CABIN1: variants seen among roughly 807,000 people sequenced by gnomAD.
CABIN1 encodes the protein calcineurin-binding protein cabin-1.
Under a neutral mutation model 227.7 loss-of-function variants are expected in CABIN1, and 133 were observed. That is an observed-to-expected ratio of 0.58 (90% CI 0.51 to 0.67). The LOEUF is 0.67. Ranked by LOEUF, CABIN1 falls within the 30% of genes least tolerant of loss-of-function variation. CABIN1 has a pLI of 0.00. For synonymous variants in CABIN1, 1,086 were observed against 1,155.1 expected (o/e 0.94, Z 1.21); for missense variants, 2,408 against 2,852.5 (o/e 0.84, Z 3.55).
intron 1 of CABIN1, among the ~76,000 whole-genome samples, chr22:24,020,875 G>A (rs1037431298): frequency 6.6e-6 from 1 of 152,082 alleles, no homozygotes; most frequent in Non-Finnish European, 1.5e-5. Context: ...GTGAGCACTG[G>A]AGAAGAATAT....
intron 34 of CABIN1, chr22:24,173,011 CAG>C (rs1453177092): frequency 6.6e-6 from 1 of 152,240 alleles, no homozygotes; most frequent in East Asian, 1.9e-4. Context: ...CCAGCGTGGT[CAG>C]AGGGTTCCCT....
chr22:24,139,351 G>A (rs1057423086), intron 29 of CABIN1, among the ~76,000 whole-genome samples: 1 of 152,136 alleles, frequency 6.6e-6, no homozygotes, highest in Admixed American at 6.6e-5. Flanking sequence ...GAGGTGGGTG[G>A]ACCACCTGAG....
intron 15 of CABIN1, among the ~76,000 whole-genome samples, chr22:24,065,104 C>A (rs1234282578): frequency 7.5e-4 from 114 of 151,234 alleles, no homozygotes; most frequent in African/African-American, 2.7e-3. Context: ...CGGGCAGAGG[C>A]GCCCCTCACC....
chr22:24,029,539 A>G (rs2036341119), intron 1 of CABIN1, among the ~76,000 whole-genome samples: 2 of 152,074 alleles, frequency 1.3e-5, no homozygotes, highest in Non-Finnish European at 2.9e-5. Context: ...CCTGGGCAAC[A>G]GAGTGAGACC....
At chr22:24,119,721 G>A (rs972166545) in intron 28 of CABIN1, 23 bp downstream of exon 28, 2 of 1,607,962 alleles carry the variant, frequency 1.2e-6, no homozygotes, top group Admixed American at 3.3e-5. Flanking sequence ...CGGGCCAAGG[G>A]GGCTTGGATC....
intron 17 of CABIN1, among the ~76,000 whole-genome samples, chr22:24,071,916 C>T (rs1451674661): frequency 6.6e-6 from 1 of 152,160 alleles, no homozygotes; most frequent in East Asian, 1.9e-4. Context: ...ACACCACAGC[C>T]ACTCACTTGG....
At chr22:24,035,881 C>A (rs2036840150) in intron 2 of CABIN1, among the ~76,000 whole-genome samples, 1 of 133,162 alleles carries the variant, frequency 7.5e-6, no homozygotes, top group Admixed American at 7.5e-5. Context: ...GCATAACCCT[C>A]CCCCCTCGGC....
At chr22:24,100,146 T>TAA (rs111515564) in intron 26 of CABIN1, among the ~76,000 whole-genome samples, 1 of 152,064 alleles carries the variant, frequency 6.6e-6, no homozygotes, top group African/African-American at 2.4e-5. Flanking sequence ...AACATTTGTT[T>TAA]AAAAAAAATG....
At position 24,013,721 on chromosome 22, in the gene CABIN1, C is replaced by A. The variant is rs182772681; in HGVS notation, c.-75+2354C>A. On this transcript the variant is annotated intron_variant, in intron 1 of 36. Transcript: ENST00000263119. ...TTAAGGTTGTGTTTTCATTCCAGGA[C>A]CCTATCCAAGATCCCATGTTGCATT... 1.6e-3 allele frequency among the ~76,000 whole-genome samples: 239 copies of A among 152,274 alleles called. 1 individual carries two copies. Among genetic ancestry groups the A allele is most frequent in the African/African-American group, 5.6e-3 (232 of 41,552 alleles).
rs760304072 is a variant in CABIN1 at position 24,164,478 on chromosome 22, C to T, written c.4825C>T (p.Leu1609=). 1.2e-6 allele frequency: 2 copies of T among 1,606,340 alleles called. No individual in the cohort carries two copies. Among genetic ancestry groups the T allele is most frequent in the Non-Finnish European group, 1.7e-6 (2 of 1,179,982 alleles). ...AWHMNRSIVL[L]LKVLAQLRDH... ...GCACATGAACCGCTCCATCGTGCTG[C>T]TGCTCAAGGTGCTGGCCCAGCTGCG... The change falls in exon 30 of 37, where the codon CTG becomes TTG. Residue 1609 remains leucine (L), a synonymous_variant. Transcript: ENST00000263119.
chr22:24,050,725 C>T, intron 7 of CABIN1, 100 bp from the exon 8 acceptor site: 1 of 1,417,058 alleles, frequency 7.1e-7, no homozygotes, highest in Non-Finnish European at 9.9e-7. Flanking sequence ...GAAAAATACA[C>T]ATTAAAAGGT....
intron 33 of CABIN1, 147 bp downstream of exon 33, chr22:24,168,668 A>G: frequency 1.3e-6 from 1 of 748,112 alleles, no homozygotes; most frequent in Non-Finnish European, 2.4e-6. Flanking sequence ...GGGGCAGCTG[A>G]GCCTCCAGCA....
At position 24,168,322 on chromosome 22, in the gene CABIN1, G is replaced by T. The variant is rs994443260; in HGVS notation, c.5683-125G>T. 5 of 885,054 alleles carry T rather than the reference G, an allele frequency of 5.6e-6. No individual in the cohort carries two copies. The East Asian group carries it at 7.9e-5, about 14-fold the overall frequency. The allele number at this position is 885,054 out of a possible 1,614,324, so 54.8% of individuals were successfully genotyped here. On this transcript the variant is annotated intron_variant, in intron 32 of 36. Transcript: ENST00000263119. ...CTATTCAGCAGAGTCTGGGGTGTTG[G>T]GGGGCACCCGAGCCACAGGGCATGC...
rs759231155 is a variant in CABIN1, at chr22:24,091,622, C to T, written c.3565C>T (p.His1189Tyr). Residue 1189 changes from histidine (H) to tyrosine (Y), a missense_variant, in exon 24 of 37, where the codon CAC becomes TAC. Physicochemically the swap from His to Tyr is moderately conservative, Grantham distance 83 (BLOSUM62 2). Transcript: ENST00000263119. ...RRDSMLETAK[H>Y]CFTSAARCEG... ...CGACAGCATGCTAGAGACAGCCAAG[C>T]ACTGTTTCACATCAGCAGCCCGCTG... is the stretch of plus-strand genomic sequence containing the variant. 1.9e-6 allele frequency: 3 copies of T among 1,614,220 alleles called. No homozygotes were observed. In the Admixed American group the frequency reaches 5.0e-5, roughly 27 times the overall value.
chr22:24,058,337 TTGAA>T (rs1414129358), intron 10 of CABIN1, among the ~76,000 whole-genome samples: 1 of 152,242 alleles, frequency 6.6e-6, no homozygotes, highest in Non-Finnish European at 1.5e-5. Flanking sequence ...TTCTGCTTCT[TTGAA>T]TGGTCAAGGC....
chr22:24,069,121 C>T (rs567157198), intron 16 of CABIN1, among the ~76,000 whole-genome samples: 43 of 152,306 alleles, frequency 2.8e-4, no homozygotes, highest in Admixed American at 2.2e-3. Context: ...TGTATAGTGG[C>T]GCTTTCTTCC....
chr22:24,016,452 A>G (rs572029301), intron 1 of CABIN1, among the ~76,000 whole-genome samples: 1 of 152,336 alleles, frequency 6.6e-6, no homozygotes, highest in African/African-American at 2.4e-5. Context: ...ACATTGCCTC[A>G]TTAATTTTTA....
intron 4 of CABIN1, among the ~76,000 whole-genome samples, chr22:24,039,525 A>T (rs553270304): frequency 5.9e-5 from 9 of 152,344 alleles, no homozygotes; most frequent in African/African-American, 1.9e-4. Flanking sequence ...GTGAGGACCC[A>T]GAGAGGGAAA....
intron 23 of CABIN1, among the ~76,000 whole-genome samples, chr22:24,090,890 G>A (rs922866582): frequency 1.3e-5 from 2 of 152,194 alleles, no homozygotes; most frequent in East Asian, 1.9e-4. Context: ...CTAGCTTCCA[G>A]CCCAGAGTTC....
Sources: gnomAD v4.1 joint callset for allele counts (sites outside exome capture counted in the v4.1 genomes callset) on GRCh38, gnomAD v4.1.1 for gene constraint, MANE v1.5 for transcripts, NCBI Gene and HGNC (gene_info 2026-07-23, HGNC 2026-07-21) for gene names.